Variants in DCDC1 observed in about 807,000 individuals in gnomAD.
DCDC1 encodes doublecortin domain-containing protein 1.
DCDC1 carries 200 observed loss-of-function variants against 178.3 expected under a neutral mutation model. That is an observed-to-expected ratio of 1.12 (90% CI 1.00 to 1.26). The LOEUF (loss-of-function observed/expected upper bound fraction) is 1.26. DCDC1 is among the 50% of genes most tolerant of loss of function. The pLI, the probability that DCDC1 is intolerant of heterozygous loss-of-function variation, is 0.00. For missense variants in DCDC1, 1,983 were observed against 1,749.2 expected, an observed-to-expected ratio of 1.13 and a Z score of -2.38; for synonymous variants, 690 against 604.8, an observed-to-expected ratio of 1.14 and a Z score of -2.07.
intron 20 of DCDC1, among the ~76,000 whole-genome samples, chr11:31,060,714 G>A (rs1955863111): frequency 1.3e-5 from 2 of 151,454 alleles, no homozygotes; most frequent in African/African-American, 4.9e-5. Context: ...TTAAAATTTG[G>A]GAAATAACTA....
intron 21 of DCDC1, among the ~76,000 whole-genome samples, chr11:30,942,157 G>GT (rs1947695245): frequency 6.6e-6 from 1 of 152,018 alleles, no homozygotes; most frequent in African/African-American, 2.4e-5. Flanking sequence ...ACATGGGGCT[G>GT]TTTTTTCTTA....
At chr11:31,238,207 AC>A (rs2136860876) in intron 9 of DCDC1, among the ~76,000 whole-genome samples, 1 of 152,190 alleles carries the variant, frequency 6.6e-6, no homozygotes, top group Admixed American at 6.6e-5. Context: ...CTCAAAAATC[AC>A]ATTTGTACTT....
At chr11:30,871,369 A>G (rs1941538841) in intron 38 of DCDC1, among the ~76,000 whole-genome samples, 1 of 152,122 alleles carries the variant, frequency 6.6e-6, no homozygotes, top group African/African-American at 2.4e-5. Context: ...AGAGGCCACC[A>G]CGAAGCCTGT....
intron 37 of DCDC1, 31 bp downstream of exon 37, chr11:30,881,127 G>T: frequency 6.2e-7 from 1 of 1,610,080 alleles, no homozygotes; most frequent in Non-Finnish European, 8.5e-7. Flanking sequence ...ATTCTTCAAA[G>T]ACTTGATGGA....
At chr11:31,003,105 T>A (rs941746586) in intron 20 of DCDC1, among the ~76,000 whole-genome samples, 2 of 150,976 alleles carry the variant, frequency 1.3e-5, no homozygotes, top group African/African-American at 2.4e-5. Flanking sequence ...TATATATATA[T>A]AATCTAGATT....
At position 30,916,635 on chromosome 11, in the gene DCDC1, G is replaced by GA. The variant is rs201284625; in HGVS notation, c.3452+234dup. The stretch of plus-strand genomic sequence containing the variant: ...AGGTGGATAAGCATACTGTTTAATA[G>GA]AAAAAAACACACAAATGAGTAAGAT... On this transcript the variant is annotated intron_variant, in intron 26 of 38. Transcript: ENST00000684477. Among the ~76,000 whole-genome samples, 265 of 152,004 alleles carry GA rather than the reference G, an allele frequency of 1.7e-3. 3 individuals are homozygous for GA. The East Asian group carries it at 0.032, about 18-fold the overall frequency.
intron 1 of DCDC1, among the ~76,000 whole-genome samples, chr11:31,340,551 G>C (rs961211594): frequency 2.6e-5 from 4 of 152,166 alleles, no homozygotes; most frequent in Non-Finnish European, 5.9e-5. Context: ...CCATTGTTCT[G>C]GGTGTTTTCT....
intron 11 of DCDC1, among the ~76,000 whole-genome samples, chr11:31,121,665 C>T (rs1351839364): frequency 1.3e-5 from 2 of 151,682 alleles, no homozygotes; most frequent in Middle Eastern, 3.2e-3. Flanking sequence ...TTTTGAATTG[C>T]ACCCTGCCTC....
At chr11:30,981,003 C>T (rs536064601) in intron 20 of DCDC1, among the ~76,000 whole-genome samples, 1 of 152,264 alleles carries the variant, frequency 6.6e-6, no homozygotes, top group East Asian at 1.9e-4. Context: ...ACGAATACAA[C>T]ATAGCCATAA....
intron 20 of DCDC1, among the ~76,000 whole-genome samples, chr11:30,962,412 G>T (rs188800236): frequency 1.3e-4 from 20 of 151,816 alleles, no homozygotes; most frequent in Non-Finnish European, 3.0e-5. Context: ...GAAGGAGAAT[G>T]CTATGCTATG....
At chr11:31,078,402 T>C (rs1360738289) in intron 17 of DCDC1, among the ~76,000 whole-genome samples, 1 of 152,134 alleles carries the variant, frequency 6.6e-6, no homozygotes, top group African/African-American at 2.4e-5. Context: ...TAAGTCTGAG[T>C]AAGAAAAAAC....
intron 20 of DCDC1, among the ~76,000 whole-genome samples, chr11:31,035,898 A>G (rs1953995306): frequency 6.6e-6 from 1 of 152,258 alleles, no homozygotes; most frequent in East Asian, 1.9e-4. Flanking sequence ...TTATTTATTC[A>G]GGATGCGTTT....
intron 9 of DCDC1, among the ~76,000 whole-genome samples, chr11:31,170,980 C>T (rs995830859): frequency 6.6e-6 from 1 of 152,102 alleles, no homozygotes; most frequent in African/African-American, 2.4e-5. Context: ...AGGCATGAGC[C>T]ACCATGCCAG....
intron 9 of DCDC1, among the ~76,000 whole-genome samples, chr11:31,179,659 A>T (rs1362620100): frequency 6.6e-6 from 1 of 152,194 alleles, no homozygotes; most frequent in Non-Finnish European, 1.5e-5. Flanking sequence ...AGTAGTTACC[A>T]AAGAAAATCC....
intron 7 of DCDC1, among the ~76,000 whole-genome samples, chr11:31,268,508 A>G (rs905544813): frequency 2.0e-5 from 3 of 152,162 alleles, no homozygotes; most frequent in Admixed American, 2.0e-4. Context: ...TTTGCTTAGG[A>G]TAATGGGCGT....
At chr11:31,292,654 T>C (rs1418344370) in intron 6 of DCDC1, among the ~76,000 whole-genome samples, 1 of 152,014 alleles carries the variant, frequency 6.6e-6, no homozygotes, top group Non-Finnish European at 1.5e-5. Flanking sequence ...GGGGTTTTAT[T>C]TTGAAATGAT....
intron 6 of DCDC1, among the ~76,000 whole-genome samples, chr11:31,303,148 T>A (rs1033813074): frequency 1.3e-5 from 2 of 152,178 alleles, no homozygotes; most frequent in Non-Finnish European, 2.9e-5. Flanking sequence ...AAATTAGAGA[T>A]GAAAGAATAA....
chr11:31,153,818 A>ACACACACACACACACACAC (rs61493499), intron 9 of DCDC1, among the ~76,000 whole-genome samples: 6 of 143,384 alleles, frequency 4.2e-5, no homozygotes, highest in African/African-American at 1.1e-4. Flanking sequence ...ACACACACAC[A>ACACACACACACACACACAC]ATTACCATAA....
chr11:31,350,133 C>G (rs890953044), intron 1 of DCDC1, among the ~76,000 whole-genome samples: 26 of 152,070 alleles, frequency 1.7e-4, no homozygotes, highest in Non-Finnish European at 3.7e-4. Flanking sequence ...GGAAATAAAT[C>G]AACTTCTAAA....
Sources: gnomAD v4.1 joint callset for allele counts (sites outside exome capture counted in the v4.1 genomes callset) on GRCh38, gnomAD v4.1.1 for gene constraint, MANE v1.5 for transcripts, NCBI Gene and HGNC (gene_info 2026-07-23, HGNC 2026-07-21) for gene names.